Variants in MSI2 observed in about 807,000 individuals in gnomAD.
The protein encoded by MSI2 is musashi RNA binding protein 2, also known as RNA-binding protein Musashi homolog 2.
MSI2 carries 17 observed loss-of-function variants against 45.6 expected under a neutral mutation model. The ratio of observed to expected loss-of-function variants is 0.37; its 90% CI spans 0.26 to 0.56. The LOEUF is 0.56. MSI2 is among the 20% of genes least tolerant of loss of function. The probability of loss-of-function intolerance (pLI) is 0.77; values close to 1 mark genes in which losing one functional copy is unlikely to be tolerated. For synonymous variants in MSI2, 156 were observed against 158.2 expected (o/e 0.99, Z 0.11); for missense variants, 293 against 444.2 (o/e 0.66, Z 3.06).
At chr17:57,267,131 A>G (rs914664551) in intron 5 of MSI2, 2 of 152,210 alleles carry the variant, frequency 1.3e-5, no homozygotes, top group African/African-American at 4.8e-5. Flanking sequence ...ATCTTGGATG[A>G]TCTGCAGCTG....
intron 7 of MSI2, among the ~76,000 whole-genome samples, chr17:57,571,270 C>T (rs559765221): frequency 1.3e-5 from 2 of 152,292 alleles, no homozygotes; most frequent in East Asian, 3.9e-4. Flanking sequence ...GAGGGGCAGG[C>T]CGCCCTGGGA....
intron 7 of MSI2, among the ~76,000 whole-genome samples, chr17:57,568,405 T>G (rs1567905699): frequency 6.6e-6 from 1 of 152,136 alleles, no homozygotes; most frequent in Non-Finnish European, 1.5e-5. Context: ...CATAATCCAG[T>G]GGCACAATCC....
intron 5 of MSI2, among the ~76,000 whole-genome samples, chr17:57,302,828 G>C (rs1025498443): frequency 4.8e-4 from 73 of 152,206 alleles, no homozygotes; most frequent in Admixed American, 2.6e-4. Context: ...TGGGACTTCA[G>C]GCAGAGTCCC....
chr17:57,292,132 G>T (rs1186011405), intron 5 of MSI2, among the ~76,000 whole-genome samples: 1 of 152,002 alleles, frequency 6.6e-6, no homozygotes, highest in East Asian at 1.9e-4. Flanking sequence ...AGTGGATTGG[G>T]GGCTAGGGAG....
intron 5 of MSI2, among the ~76,000 whole-genome samples, chr17:57,289,745 G>A (rs1910245850): frequency 1.3e-5 from 2 of 152,252 alleles, no homozygotes; most frequent in African/African-American, 4.8e-5. Flanking sequence ...ACTCAGTGAT[G>A]CTACTTCGGC....
intron 6 of MSI2, among the ~76,000 whole-genome samples, chr17:57,521,922 G>C (rs2086593942): frequency 1.3e-5 from 2 of 152,198 alleles, no homozygotes; most frequent in African/African-American, 4.8e-5. Flanking sequence ...TTGGAGAATG[G>C]TTAAAGACAG....
intron 6 of MSI2, among the ~76,000 whole-genome samples, chr17:57,516,118 G>C (rs1159064635): frequency 6.6e-6 from 1 of 152,090 alleles, no homozygotes; most frequent in Non-Finnish European, 1.5e-5. Context: ...GGAGATTTGA[G>C]TAACTATCAC....
At chr17:57,425,404 C>T (rs1334118412) in intron 6 of MSI2, among the ~76,000 whole-genome samples, 1 of 152,162 alleles carries the variant, frequency 6.6e-6, no homozygotes. Flanking sequence ...TGAGATAACC[C>T]ACAGTAACAT....
rs78205551 is a variant in MSI2, at chr17:57,326,749, G to T, written c.312+64557G>T. Among the ~76,000 whole-genome samples, 1,581 of 152,306 alleles carry T rather than the reference G, an allele frequency of 0.01. 98 individuals carry two copies. In the East Asian group the frequency reaches 0.2, roughly 19 times the overall value. ...CTTATCTTATCCCTGTTTGATAGAT[G>T]GGAAAACCAAGGCAGCTGCTGCTGA... is the stretch of plus-strand genomic sequence containing the variant. On this transcript the variant is annotated intron_variant, in intron 5 of 13. Transcript: ENST00000284073.
At chr17:57,464,192 C>T (rs1045297482) in intron 6 of MSI2, among the ~76,000 whole-genome samples, 2 of 152,080 alleles carry the variant, frequency 1.3e-5, no homozygotes, top group African/African-American at 4.8e-5. Flanking sequence ...CTTGTAATTC[C>T]GGCACTTCGG....
intron 5 of MSI2, among the ~76,000 whole-genome samples, chr17:57,372,955 A>G (rs868279848): frequency 6.6e-6 from 1 of 152,196 alleles, no homozygotes; most frequent in East Asian, 1.9e-4. Flanking sequence ...TGGATTTAGA[A>G]TTACCAAATA....
At chr17:57,483,362 G>A (rs1444372071) in intron 6 of MSI2, among the ~76,000 whole-genome samples, 2 of 152,190 alleles carry the variant, frequency 1.3e-5, no homozygotes, top group Admixed American at 1.3e-4. Context: ...AACTGAAAGA[G>A]TAAAAAGAAA....
chr17:57,615,829 G>T, intron 8 of MSI2, 141 bp from the exon 9 acceptor site: 1 of 620,740 alleles, frequency 1.6e-6, no homozygotes, highest in Non-Finnish European at 2.8e-6. Flanking sequence ...TATTTTGCAG[G>T]CCATTTACTC....
chr17:57,692,211 G>A, the MSI2 span, among the ~76,000 whole-genome samples: 3 of 152,162 alleles, frequency 2.0e-5, no homozygotes, highest in African/African-American at 7.2e-5. Flanking sequence ...ACTGGGTCAT[G>A]ATATATTATC....
the MSI2 span, among the ~76,000 whole-genome samples, chr17:57,699,338 C>T: frequency 3.9e-4 from 59 of 151,006 alleles, no homozygotes; most frequent in African/African-American, 1.3e-3. Flanking sequence ...ACACTCTCCA[C>T]GTCTTCCTCA....
chr17:57,634,507 G>C (rs866368088), intron 10 of MSI2, among the ~76,000 whole-genome samples: 5 of 152,112 alleles, frequency 3.3e-5, no homozygotes, highest in Non-Finnish European at 5.9e-5. Flanking sequence ...TGCTGTAAGG[G>C]TGCAAGGGTG....
chr17:57,510,559 C>A (rs922709663), intron 6 of MSI2, among the ~76,000 whole-genome samples: 1 of 151,992 alleles, frequency 6.6e-6, no homozygotes, highest in Non-Finnish European at 1.5e-5. Flanking sequence ...TCCCAAGTAG[C>A]TGGGATTACA....
chr17:57,362,553 T>C (rs1916883702), intron 5 of MSI2, among the ~76,000 whole-genome samples: 1 of 152,226 alleles, frequency 6.6e-6, no homozygotes. Context: ...TGCAACAGCA[T>C]TTTCTAACAA....
At chr17:57,671,987 C>T (rs1207709283) in intron 11 of MSI2, among the ~76,000 whole-genome samples, 1 of 152,210 alleles carries the variant, frequency 6.6e-6, no homozygotes, top group Admixed American at 6.5e-5. Flanking sequence ...TTCCATGCGC[C>T]CAGCCCTCAG....
Sources: gnomAD v4.1 joint callset for allele counts (sites outside exome capture counted in the v4.1 genomes callset) on GRCh38, gnomAD v4.1.1 for gene constraint, MANE v1.5 for transcripts, NCBI Gene and HGNC (gene_info 2026-07-23, HGNC 2026-07-21) for gene names.